The following ZSWIM4 variants were observed in gnomAD, a reference collection of about 807,000 sequenced individuals.
ZSWIM4 encodes zinc finger SWIM-type containing 4, also known as zinc finger SWIM domain-containing protein 4.
In ZSWIM4, 62 loss-of-function variants were observed where a neutral mutation model predicts 102.5. That is an observed-to-expected ratio of 0.60 (90% CI 0.49 to 0.75). The LOEUF (loss-of-function observed/expected upper bound fraction) is 0.75, where lower values mean the gene tolerates loss of function less well. Ranked by LOEUF, ZSWIM4 falls within the 30% of genes least tolerant of loss-of-function variation. The pLI is 0.00. For synonymous variants in ZSWIM4, 652 were observed against 674.5 expected (o/e 0.97, Z 0.52); for missense variants, 1,280 against 1,529.6 (o/e 0.84, Z 2.72).
In ZSWIM4 at chr19:13,808,861, A is replaced by C; in HGVS notation, c.738A>C (p.Ala246=). Reference sequence around the variant, plus strand: ...GTGCCCCAGACCCCACCGCCGGCGCAGGAATCGAGGACGCCAACTGCTGGC... The same window carrying C: ...GTGCCCCAGACCCCACCGCCGGCGCCGGAATCGAGGACGCCAACTGCTGGC... ...VNGAPDPTAG[A]GIEDANCWHL... The change falls in exon 4 of 14, where the codon GCA becomes GCC. Residue 246 remains alanine (A), a synonymous_variant. Coordinates refer to ENST00000590508, the MANE Select transcript of ZSWIM4 (RefSeq NM_001367834.3). The C allele has an allele frequency of 6.2e-7, 1 of 1,609,952 alleles. No homozygotes were observed. Among genetic ancestry groups the C allele is most frequent in the African/African-American group, 1.3e-5 (1 of 74,802 alleles).
chr19:13,822,135 C>A (rs1043973109), intron 10 of ZSWIM4, among the ~76,000 whole-genome samples: 17 of 149,262 alleles, frequency 1.1e-4, no homozygotes, highest in Non-Finnish European at 2.2e-4. Flanking sequence ...TGGCCCATCT[C>A]TTTAAAACAC....
intron 1 of ZSWIM4, 48 bp from the exon 2 acceptor site, chr19:13,799,672 T>A: frequency 6.3e-7 from 1 of 1,589,848 alleles, no homozygotes. Flanking sequence ...CCCAAAGCGC[T>A]GGGATTACAT....
chr19:13,799,621 T>G (rs1372693340), intron 1 of ZSWIM4, 99 bp from the exon 2 acceptor site: 1 of 1,187,770 alleles, frequency 8.4e-7, no homozygotes, highest in Non-Finnish European at 1.3e-6. Context: ...CCCAGGCTGG[T>G]CTCGAACTCT....
intron 10 of ZSWIM4, among the ~76,000 whole-genome samples, chr19:13,820,389 C>T (rs533156690): frequency 1.1e-4 from 17 of 152,058 alleles, no homozygotes; most frequent in Non-Finnish European, 2.1e-4. Context: ...GCGTGCACCA[C>T]CGCACTGGGC....
chr19:13,807,306 T>C (rs1432923436), intron 3 of ZSWIM4, among the ~76,000 whole-genome samples: 1 of 150,914 alleles, frequency 6.6e-6, no homozygotes, highest in Non-Finnish European at 1.5e-5. Flanking sequence ...TATGGACATG[T>C]GGATGAAGTG....
Position 13,814,814 on chromosome 19 carries a change from C to T in ZSWIM4, c.1480C>T (p.Leu494Phe). 7.8e-7 allele frequency: 1 copy of T among 1,276,966 alleles called. No individual in the cohort carries two copies. Among genetic ancestry groups the T allele is most frequent in the Non-Finnish European group, 1.0e-6 (1 of 978,938 alleles). 79.1% of individuals were successfully genotyped at this position (1,276,966 alleles called of 1,614,324 possible). Reference protein sequence around the residue: ...LRLASAIINTLRLQQRHQLES... With the variant: ...LRLASAIINTFRLQQRHQLES... Reference sequence around the variant, plus strand: ...GCTGGCAAGTGCCATCATCAACACACTCCGGCTGCAGCAGCGGCATCAGCT... The same window carrying T: ...GCTGGCAAGTGCCATCATCAACACATTCCGGCTGCAGCAGCGGCATCAGCT... The change falls in exon 7 of 14, where the codon CTC (leucine) becomes TTC (phenylalanine). Residue 494 changes from leucine (L) to phenylalanine (F), a missense_variant. By Grantham distance (22) the Leu-to-Phe change is conservative. Transcript: ENST00000590508.
chr19:13,808,867 C>G lies in ZSWIM4; in HGVS notation c.744C>G (p.Ile248Met). 1 of 1,611,278 alleles carries G rather than the reference C, an allele frequency of 6.2e-7. No individual in the cohort carries two copies. Among genetic ancestry groups the G allele is most frequent in the Non-Finnish European group, 8.5e-7 (1 of 1,178,890 alleles). Residue 248 changes from isoleucine to methionine, a missense_variant, in exon 4 of 14, where the codon ATC becomes ATG. Transcript: ENST00000590508. ...CAGACCCCACCGCCGGCGCAGGAAT[C>G]GAGGACGCCAACTGCTGGCACCTGG... ...GAPDPTAGAG[I>M]EDANCWHLDE... is the part of the protein sequence containing the mutation.
At chr19:13,803,182 C>T (rs973397913) in intron 2 of ZSWIM4, among the ~76,000 whole-genome samples, 2 of 152,206 alleles carry the variant, frequency 1.3e-5, no homozygotes, top group African/African-American at 2.4e-5. Context: ...CCGCTGACCA[C>T]GGGCTCCTTG....
chr19:13,829,804 A>G (rs146254982), intron 13 of ZSWIM4, among the ~76,000 whole-genome samples: 2,878 of 152,018 alleles, frequency 0.019, 88 homozygotes, highest in African/African-American at 0.066. Context: ...CAGCCTGGGC[A>G]ACAGAGCGAG....
At chr19:13,799,694 T>A (rs1974703442) in intron 1 of ZSWIM4, 26 bp from the exon 2 acceptor site, 3 of 1,612,132 alleles carry the variant, frequency 1.9e-6, no homozygotes, top group East Asian at 2.2e-5. Flanking sequence ...AACCCCAGGC[T>A]CCTAACCCAC....
intron 2 of ZSWIM4, among the ~76,000 whole-genome samples, chr19:13,804,225 C>T (rs1568328481): frequency 6.6e-6 from 1 of 151,972 alleles, no homozygotes; most frequent in Non-Finnish European, 1.5e-5. Context: ...AATCCCTGCA[C>T]TTTGGGAGGC....
intron 1 of ZSWIM4, among the ~76,000 whole-genome samples, chr19:13,797,553 A>T (rs1974644137): frequency 6.6e-6 from 1 of 152,236 alleles, no homozygotes. Context: ...TCCCTAGGCC[A>T]CACTGGAAGA....
At chr19:13,798,860 C>G (rs1026598374) in intron 1 of ZSWIM4, among the ~76,000 whole-genome samples, 8 of 152,230 alleles carry the variant, frequency 5.3e-5, no homozygotes, top group Non-Finnish European at 1.2e-4. Flanking sequence ...GCAATCTCGG[C>G]TCACTGCAAC....
rs779096786 is a variant in ZSWIM4, at chr19:13,809,054, C to CCTGT, written c.862-14_862-11dup. 2.4e-5 allele frequency: 38 copies of CCTGT among 1,610,384 alleles called. No homozygotes were observed. The East Asian group carries it at 8.5e-4, about 36-fold the overall frequency. ...GGACGCCCCAGCCCTTCCTCACCAC[C>CCTGT]CTGTCCCCGGCACAGGTGCGGGAGA... On this transcript the variant is annotated splice_polypyrimidine_tract_variant and intron_variant, in intron 4 of 13. Coordinates refer to ENST00000590508, the MANE Select transcript of ZSWIM4 (RefSeq NM_001367834.3). This position sits in a 1 kb window ranked among gnomAD's most constrained non-coding sequence, Gnocchi z 4.2.
intron 10 of ZSWIM4, 86 bp downstream of exon 10, chr19:13,819,578 C>T: frequency 6.8e-7 from 1 of 1,480,084 alleles, no homozygotes; most frequent in Admixed American, 2.2e-5. Context: ...CCCACCCATC[C>T]AGCCTGAACT....
At chr19:13,826,085 G>A (rs1291439893) in intron 12 of ZSWIM4, among the ~76,000 whole-genome samples, 3 of 152,322 alleles carry the variant, frequency 2.0e-5, no homozygotes, top group South Asian at 2.1e-4. Flanking sequence ...GGCCACAGAA[G>A]GCCAAGGTCT....
chr19:13,811,075 G>A (rs1033762865), intron 5 of ZSWIM4, among the ~76,000 whole-genome samples: 6 of 151,172 alleles, frequency 4.0e-5, no homozygotes, highest in Admixed American at 6.6e-5. Context: ...CACCACGCCC[G>A]GCTAATTTTT....
chr19:13,829,212 T>C (rs1975691429), intron 13 of ZSWIM4, among the ~76,000 whole-genome samples: 1 of 151,880 alleles, frequency 6.6e-6, no homozygotes, highest in Non-Finnish European at 1.5e-5. Context: ...GCCCAGGAGA[T>C]TGAGGTTGCA....
In ZSWIM4 at chr19:13,797,881, G is replaced by A. The variant is rs61662678; in HGVS notation, c.154-1839G>A. On this transcript the variant is annotated intron_variant, in intron 1 of 13. Transcript: ENST00000590508. The stretch of plus-strand genomic sequence containing the variant: ...TTGGCCAGGCTGGTTTCAAACTCCT[G>A]ACCTCAAGTGATCCTCCCACCTTGG... Among the ~76,000 whole-genome samples, 1,329 of 152,268 alleles carry A rather than the reference G, an allele frequency of 8.7e-3. 23 individuals are homozygous for A. The highest frequency in any genetic ancestry group is 0.03 in the African/African-American group (1,255 of 41,552).
Sources: gnomAD v4.1 joint callset for allele counts (sites outside exome capture counted in the v4.1 genomes callset) on GRCh38, gnomAD v4.1.1 for gene constraint, Gnocchi (gnomAD v3.1) non-coding constraint, MANE v1.5 for transcripts, NCBI Gene and HGNC (gene_info 2026-07-23, HGNC 2026-07-21) for gene names.